The following HELT variants were observed in gnomAD, a reference collection of about 807,000 sequenced individuals.
The protein encoded by HELT is hairy and enhancer of split-related protein HELT.
Under a neutral mutation model 19.5 loss-of-function variants are expected in HELT, and 9 were observed. The ratio of observed to expected loss-of-function variants is 0.46; its 90% confidence interval spans 0.28 to 0.80. HELT has a LOEUF of 0.80. Ranked by LOEUF, HELT falls within the 30% of genes least tolerant of loss-of-function variation. The pLI is 0.12. For missense variants in HELT, 366 were observed against 326.3 expected (o/e 1.12, Z -0.94); for synonymous variants, 162 against 148.3 (o/e 1.09, Z -0.67).
At chr4:185,019,278 C>A in intron 1 of HELT, 109 bp from the exon 2 acceptor site, 1 of 1,144,528 alleles carries the variant, frequency 8.7e-7, no homozygotes, top group Non-Finnish European at 1.3e-6. Flanking sequence ...TAGAGCGAAT[C>A]TGAGCAGTGT....
chr4:185,019,836 G>T lies in HELT; in HGVS notation c.222G>T (p.Arg74Ser), dbSNP rs779717479. 6.2e-7 allele frequency: 1 copy of T among 1,613,084 alleles called. No homozygotes were observed. The highest frequency in any genetic ancestry group is 1.3e-5 in the African/African-American group (1 of 74,938). Reference protein sequence around the residue: ...ALHSADFPRGREKAELLAEFA... With the variant: ...ALHSADFPRGSEKAELLAEFA... ...ACTCCGCTGATTTTCCCCGGGGAAG[G>T]GAAAAAGGTGGGCACAGGTTAGGGA... The change falls in exon 3 of 4, where the codon AGG becomes AGT. Residue 74 changes from arginine (R) to serine (S), a missense_variant. Transcript: ENST00000515777.
intron 1 of HELT, 73 bp from the exon 2 acceptor site, chr4:185,019,314 C>A (rs1356281585): frequency 2.3e-6 from 3 of 1,325,324 alleles, no homozygotes; most frequent in Non-Finnish European, 3.2e-6. Flanking sequence ...CGGCTTGCAC[C>A]CAGCTGCTAG....
chr4:185,019,291 G>A, intron 1 of HELT, 96 bp from the exon 2 acceptor site: 1 of 1,178,410 alleles, frequency 8.5e-7, no homozygotes, highest in Admixed American at 2.1e-5. Flanking sequence ...AGCAGTGTGC[G>A]CGGCTGGAGA....
chr4:185,019,690 A>T, intron 2 of HELT, 57 bp from the exon 3 acceptor site: 4 of 1,611,570 alleles, frequency 2.5e-6, no homozygotes, highest in Non-Finnish European at 3.4e-6. Flanking sequence ...CTCCAGCGCC[A>T]CAGTGCCCGA....
chr4:185,018,960 G>A lies in HELT; in HGVS notation c.27+5G>A, dbSNP rs748354671. ...GACAAGCTCAAGGAACGCAAAGTGA[G>A]TCGGCTGAGCCCAAATGGCACTTGC... On this transcript the variant is annotated splice_donor_5th_base_variant and intron_variant, in intron 1 of 3. Transcript: ENST00000515777. 6.2e-7 allele frequency: 1 copy of A among 1,612,902 alleles called. No individual in the cohort carries two copies. Among genetic ancestry groups the A allele is most frequent in the Non-Finnish European group, 8.5e-7 (1 of 1,179,238 alleles).
chr4:185,019,155 G>A, intron 1 of HELT, 200 bp downstream of exon 1: 1 of 1,521,238 alleles, frequency 6.6e-7, no homozygotes, highest in Non-Finnish European at 8.9e-7. Context: ...CTGGAGGCTG[G>A]CGGCCACCTC....
rs1734047676 is a variant in HELT at position 185,020,588 on chromosome 4, C to T, written c.545C>T (p.Ala182Val). The T allele has an allele frequency of 3.8e-6, 6 of 1,593,734 alleles. No individual in the cohort carries two copies. Among genetic ancestry groups the T allele is most frequent in the Non-Finnish European group, 5.1e-6 (6 of 1,174,774 alleles). ...GAGPFPWPPG[A>V]ARSPALPYLP... ...GGGCCTTTCCCCTGGCCGCCTGGCGCGGCCCGCAGCCCCGCGCTGCCCTAC... is the reference window on the plus strand; with the variant it reads ...GGGCCTTTCCCCTGGCCGCCTGGCGTGGCCCGCAGCCCCGCGCTGCCCTAC... Residue 182 changes from alanine to valine, a missense_variant, in exon 4 of 4, where the codon GCG (alanine) becomes GTG (valine). Ala to Val is a moderately conservative substitution (Grantham distance 64). Transcript: ENST00000515777.
chr4:185,019,250 G>C, intron 1 of HELT, 137 bp from the exon 2 acceptor site: 1 of 1,129,646 alleles, frequency 8.9e-7, no homozygotes, highest in Non-Finnish European at 1.2e-6. Context: ...CGAGCGTGGC[G>C]GGCCAGGAGT....
intron 1 of HELT, 102 bp from the exon 2 acceptor site, chr4:185,019,285 G>T: frequency 8.6e-7 from 1 of 1,158,392 alleles, no homozygotes. Flanking sequence ...AATCTGAGCA[G>T]TGTGCGCGGC....
intron 1 of HELT, 58 bp from the exon 2 acceptor site, chr4:185,019,329 G>T: frequency 2.1e-6 from 3 of 1,429,746 alleles, no homozygotes; most frequent in Non-Finnish European, 1.9e-6. Flanking sequence ...TGCTAGAGCC[G>T]CGCCTTTGAC....
intron 1 of HELT, 114 bp downstream of exon 1, chr4:185,019,069 T>C (rs1454054165): frequency 6.2e-7 from 1 of 1,611,712 alleles, no homozygotes; most frequent in Non-Finnish European, 8.5e-7. Flanking sequence ...GGACTTTGAG[T>C]GTGGAGGAAT....
chr4:185,018,764 A>G lies in HELT; in HGVS notation c.-165A>G, dbSNP rs1393890734. 3.6e-6 allele frequency: 2 copies of G among 562,982 alleles called. No homozygotes were observed. Among genetic ancestry groups the G allele is most frequent in the Non-Finnish European group, 3.1e-6 (1 of 327,614 alleles). 34.9% of individuals were successfully genotyped at this position (562,982 alleles called of 1,614,324 possible). Reference sequence around the variant, plus strand: ...GCAGCTCCCCTAATCCTATGGAATAATTCAACTCGTGAATGCATCTGGAGC... The same window carrying G: ...GCAGCTCCCCTAATCCTATGGAATAGTTCAACTCGTGAATGCATCTGGAGC... On this transcript the variant is annotated 5_prime_UTR_variant, in exon 1 of 4. The change abolishes the stop of an existing upstream ORF in the 5' untranslated region. Coordinates refer to ENST00000515777, the MANE Select transcript of HELT (RefSeq NM_001300781.2).
At chr4:185,019,684 A>G in intron 2 of HELT, 63 bp from the exon 3 acceptor site, 2 of 1,611,354 alleles carry the variant, frequency 1.2e-6, no homozygotes, top group Non-Finnish European at 1.7e-6. Flanking sequence ...GGTCCTCTCC[A>G]GCGCCACAGT....
In HELT at chr4:185,019,782, G is replaced by T; in HGVS notation, c.168G>T (p.Glu56Asp). 6.2e-7 allele frequency: 1 copy of T among 1,613,828 alleles called. No individual in the cohort carries two copies. The highest frequency in any genetic ancestry group is 1.1e-5 in the South Asian group (1 of 91,074). Residue 56 changes from glutamate to aspartate, a missense_variant, in exon 3 of 4, where the codon GAG becomes GAT. By Grantham distance (45) the Glu-to-Asp change is conservative. Transcript: ENST00000515777. ...AGCTGGAGAAGGCGGAGATCCTCGA[G>T]ATGACCGTTCAGTACCTGAGAGCAC... ...SGKLEKAEIL[E>D]MTVQYLRALH...
In HELT at chr4:185,018,670, C is replaced by A. The variant is rs1335050742; in HGVS notation, c.-259C>A. On this transcript the variant is annotated 5_prime_UTR_variant, in exon 1 of 4. Transcript: ENST00000515777. ...GCTGATCTGCCCCCAGCTCGCCCCCCTCGGCTGCTAATTTTTTTTTTTTCT... is the reference window on the plus strand; with the variant it reads ...GCTGATCTGCCCCCAGCTCGCCCCCATCGGCTGCTAATTTTTTTTTTTTCT... Among the ~76,000 whole-genome samples the A allele has an allele frequency of 1.3e-5, 2 of 152,196 alleles. No homozygotes were observed. Among genetic ancestry groups the A allele is most frequent in the African/African-American group, 4.8e-5 (2 of 41,464 alleles).
rs1004191025 is a variant in HELT at position 185,019,639 on chromosome 4, G to A, written c.133-108G>A. 3.1e-6 allele frequency: 5 copies of A among 1,605,396 alleles called. No individual in the cohort carries two copies. The African/African-American group carries it at 6.7e-5, about 21-fold the overall frequency. On this transcript the variant is annotated intron_variant, in intron 2 of 3. Coordinates refer to ENST00000515777, the MANE Select transcript of HELT (RefSeq NM_001300781.2). ...CTGAGCGCAGGGCGAACCTCAGGAG[G>A]CTCTGGCGCAGATCCGCAGCCGCGT...
chr4:185,018,851 CT>C lies in HELT; in HGVS notation c.-77del. On this transcript the variant is annotated 5_prime_UTR_variant, in exon 1 of 4. Coordinates refer to ENST00000515777, the MANE Select transcript of HELT (RefSeq NM_001300781.2). ...GGGAGGCTGCAGTCTACCTGGGACA[CT>C]CGAGGAGGCACACGAGGCGGAAAAG... The C allele has an allele frequency of 1.3e-6, 2 of 1,488,434 alleles. No individual in the cohort carries two copies. The highest frequency in any genetic ancestry group is 1.8e-6 in the Non-Finnish European group (2 of 1,096,104). 92.2% of individuals were successfully genotyped at this position (1,488,434 alleles called of 1,614,324 possible).
Position 185,019,853 on chromosome 4 carries a change from G to A in HELT, c.229+10G>A. Reference sequence around the variant, plus strand: ...CGGGGAAGGGAAAAAGGTGGGCACAGGTTAGGGAATGGGACGCCTGGGCCA... The same window carrying A: ...CGGGGAAGGGAAAAAGGTGGGCACAAGTTAGGGAATGGGACGCCTGGGCCA... On this transcript the variant is annotated intron_variant, in intron 3 of 3. Coordinates refer to ENST00000515777, the MANE Select transcript of HELT (RefSeq NM_001300781.2). 1 of 1,611,048 alleles carries A rather than the reference G, an allele frequency of 6.2e-7. No individual in the cohort carries two copies. The highest frequency in any genetic ancestry group is 8.5e-7 in the Non-Finnish European group (1 of 1,178,388).
chr4:185,019,197 G>A, intron 1 of HELT, 190 bp from the exon 2 acceptor site: 1 of 1,385,746 alleles, frequency 7.2e-7, no homozygotes, highest in Admixed American at 2.6e-5. Flanking sequence ...GCTGGAAGGG[G>A]AGCGCGCCAG....
Sources: gnomAD v4.1 joint callset for allele counts (sites outside exome capture counted in the v4.1 genomes callset) on GRCh38, gnomAD v4.1.1 for gene constraint, MANE v1.5 for transcripts, NCBI Gene and HGNC (gene_info 2026-07-23, HGNC 2026-07-21) for gene names.